Variants in NALF1 observed in about 807,000 individuals in gnomAD.
The protein encoded by NALF1 is family with sequence similarity 155 member A.
NALF1 carries 3 observed loss-of-function variants against 48.4 expected under a neutral mutation model. That is an observed-to-expected ratio of 0.06 (90% CI 0.03 to 0.16). The LOEUF (loss-of-function observed/expected upper bound fraction) is 0.16, where lower values mean the gene tolerates loss of function less well. Ranked by LOEUF, NALF1 falls within the 10% of genes least tolerant of loss-of-function variation. NALF1 has a pLI of 1.00. For synonymous variants in NALF1, 262 were observed against 245.7 expected, an observed-to-expected ratio of 1.07 and a Z score of -0.62; for missense variants, 526 against 571.5, an observed-to-expected ratio of 0.92 and a Z score of 0.81.
At chr13:107,518,658 GATGAGTAA>G (rs904862891) in intron 1 of NALF1, among the ~76,000 whole-genome samples, 1 of 152,112 alleles carries the variant, frequency 6.6e-6, no homozygotes, top group African/African-American at 2.4e-5. Context: ...AAACATGATG[GATGAGTAA>G]ATGTATAGTA....
chr13:107,721,093 TGTC>T (rs1281339789), intron 1 of NALF1, among the ~76,000 whole-genome samples: 5 of 146,186 alleles, frequency 3.4e-5, no homozygotes, highest in African/African-American at 1.3e-4. Flanking sequence ...TAAAACTAGT[TGTC>T]ATCAGATCTC....
At chr13:107,524,752 C>T (rs1007430215) in intron 1 of NALF1, among the ~76,000 whole-genome samples, 9 of 152,016 alleles carry the variant, frequency 5.9e-5, no homozygotes, top group African/African-American at 2.2e-4. Flanking sequence ...AAAGTTTACT[C>T]GACCTTGGCA....
At chr13:107,339,921 T>C (rs1285222211) in intron 1 of NALF1, among the ~76,000 whole-genome samples, 9 of 152,328 alleles carry the variant, frequency 5.9e-5, no homozygotes, top group Admixed American at 2.0e-4. Context: ...TATTTCCTAA[T>C]TGTGTTCCAC....
intron 1 of NALF1, among the ~76,000 whole-genome samples, chr13:107,481,276 C>T (rs1235714525): frequency 6.6e-6 from 1 of 152,070 alleles, no homozygotes; most frequent in Non-Finnish European, 1.5e-5. Context: ...AAAAATCTCC[C>T]TGAGACTGAA....
chr13:107,767,414 G>GT (rs1268678634), intron 1 of NALF1, among the ~76,000 whole-genome samples: 12 of 152,198 alleles, frequency 7.9e-5, no homozygotes, highest in Non-Finnish European at 1.5e-4. Context: ...TTCTGTTGCA[G>GT]TAACTGGTTA....
intron 1 of NALF1, among the ~76,000 whole-genome samples, chr13:107,295,026 C>A (rs1881699067): frequency 6.6e-6 from 1 of 151,644 alleles, no homozygotes; most frequent in East Asian, 1.9e-4. Flanking sequence ...TCAGGGGGTG[C>A]ATGTGCAAGT....
At chr13:107,251,016 C>A (rs777583594) in intron 1 of NALF1, among the ~76,000 whole-genome samples, 11 of 151,188 alleles carry the variant, frequency 7.3e-5, no homozygotes, top group Non-Finnish European at 1.3e-4. Context: ...GCCAACTAAA[C>A]CTCCTTTCTT....
intron 2 of NALF1, among the ~76,000 whole-genome samples, chr13:107,194,878 T>TA (rs1255167779): frequency 6.6e-6 from 1 of 151,376 alleles, no homozygotes; most frequent in Admixed American, 6.6e-5. Context: ...CAAGAAAAAA[T>TA]AAAAAATCCC....
At chr13:107,379,460 A>G (rs1566317530) in intron 1 of NALF1, among the ~76,000 whole-genome samples, 2 of 152,020 alleles carry the variant, frequency 1.3e-5, no homozygotes, top group African/African-American at 4.8e-5. Flanking sequence ...TACCCTTTAC[A>G]TTTTTCTGAG....
rs914843213 is a variant in NALF1 at position 107,568,102 on chromosome 13, G to A, written c.915+297580C>T. Among the ~76,000 whole-genome samples the A allele has an allele frequency of 3.7e-4, 56 of 152,118 alleles. 1 individual carries two copies. Among genetic ancestry groups the A allele is most frequent in the African/African-American group, 1.1e-3 (44 of 41,522 alleles). On this transcript the variant is annotated intron_variant, in intron 1 of 2. Transcript: ENST00000375915. ...AAACAATCCTCCTGCTTCAGCCTCCGGAGTAGCTGGCACATCACGCATGCA... is the reference window on the plus strand; with the variant it reads ...AAACAATCCTCCTGCTTCAGCCTCCAGAGTAGCTGGCACATCACGCATGCA...
rs571264630 is a variant in NALF1 at position 107,341,052 on chromosome 13, C to T, written c.916-130297G>A. Among the ~76,000 whole-genome samples, 475 of 152,138 alleles carry T rather than the reference C, an allele frequency of 3.1e-3. 3 individuals carry two copies. The highest frequency in any genetic ancestry group is 0.01 in the African/African-American group (419 of 41,502). ...TCCTAGTATCACCCCCCACCGCCCC[C>T]GCCGCCCCGAACACTTGCATATATC... On this transcript the variant is annotated intron_variant, in intron 1 of 2. Coordinates refer to ENST00000375915, the MANE Select transcript of NALF1 (RefSeq NM_001080396.3).
At chr13:107,844,846 G>C (rs961774407) in intron 1 of NALF1, among the ~76,000 whole-genome samples, 1 of 152,070 alleles carries the variant, frequency 6.6e-6, no homozygotes, top group Non-Finnish European at 1.5e-5. Context: ...AGGGATAGGC[G>C]TTTCTGAGAG....
In NALF1 at chr13:107,866,704, C is replaced by T. The variant is rs966049437; in HGVS notation, c.-108G>A. On this transcript the variant is annotated 5_prime_UTR_variant, in exon 1 of 3. Transcript: ENST00000375915. This position sits in a 1 kb window ranked among gnomAD's most constrained non-coding sequence, Gnocchi z 4.4. ...GTTTAATTTCCTTATCCCCTCCTCC[C>T]GTTTCTTCTCTCTCCTCTCTCTCTT... 7 of 840,016 alleles carry T rather than the reference C, an allele frequency of 8.3e-6. No homozygotes were observed. In the African/African-American group the frequency reaches 1.2e-4, roughly 15 times the overall value. 52.0% of individuals were successfully genotyped at this position (840,016 alleles called of 1,614,324 possible).
chr13:107,467,925 G>A (rs1467268426), intron 1 of NALF1, among the ~76,000 whole-genome samples: 2 of 152,092 alleles, frequency 1.3e-5, no homozygotes, highest in African/African-American at 4.8e-5. Flanking sequence ...GCGGGCGCCT[G>A]TAGTCCCAGC....
intron 1 of NALF1, among the ~76,000 whole-genome samples, chr13:107,535,774 T>C (rs1876786587): frequency 6.6e-6 from 1 of 152,066 alleles, no homozygotes; most frequent in Non-Finnish European, 1.5e-5. Context: ...GCCAAGACAA[T>C]CCTAAGCCAA....
At chr13:107,659,114 GACACACACACAC>G (rs71121541) in intron 1 of NALF1, among the ~76,000 whole-genome samples, 1 of 145,804 alleles carries the variant, frequency 6.9e-6, no homozygotes. Flanking sequence ...CTGACACACA[GACACACACACAC>G]ACACACACAC....
intron 1 of NALF1, among the ~76,000 whole-genome samples, chr13:107,747,389 C>A (rs767037773): frequency 6.6e-5 from 10 of 152,214 alleles, no homozygotes; most frequent in Non-Finnish European, 4.4e-5. Flanking sequence ...TGGGATCTTA[C>A]TTCCACTATG....
chr13:107,735,757 T>G (rs1450215236), intron 1 of NALF1, among the ~76,000 whole-genome samples: 1 of 152,220 alleles, frequency 6.6e-6, no homozygotes, highest in Non-Finnish European at 1.5e-5. Context: ...ATAAAGGTAG[T>G]TGCCTCTATT....
At chr13:107,591,526 T>A (rs1322091865) in intron 1 of NALF1, among the ~76,000 whole-genome samples, 1 of 151,990 alleles carries the variant, frequency 6.6e-6, no homozygotes, top group Non-Finnish European at 1.5e-5. Flanking sequence ...TTCAGAGTCA[T>A]TTTCTTTAAT....
Sources: gnomAD v4.1 joint callset for allele counts (sites outside exome capture counted in the v4.1 genomes callset) on GRCh38, gnomAD v4.1.1 for gene constraint, Gnocchi (gnomAD v3.1) non-coding constraint, MANE v1.5 for transcripts, NCBI Gene and HGNC (gene_info 2026-07-23, HGNC 2026-07-21) for gene names.